The following WDR72 variants were observed in gnomAD, a reference collection of about 807,000 sequenced individuals.
WDR72 encodes WD repeat domain 72, also known as WD repeat-containing protein 72.
WDR72 carries 120 observed loss-of-function variants against 124.2 expected under a neutral mutation model. The ratio of observed to expected loss-of-function variants is 0.97; its 90% CI spans 0.83 to 1.12. The LOEUF (loss-of-function observed/expected upper bound fraction) is 1.12, where lower values mean the gene tolerates loss of function less well. WDR72 is among the 50% of genes most tolerant of loss of function. WDR72 has a pLI of 0.00. For synonymous variants in WDR72, 452 were observed against 441.7 expected, an observed-to-expected ratio of 1.02 and a Z score of -0.29; for missense variants, 1,387 against 1,278.8, an observed-to-expected ratio of 1.08 and a Z score of -1.29.
chr15:53,527,872 A>C lies in WDR72; in HGVS notation c.3149-4550T>G, dbSNP rs566504060. Among the ~76,000 whole-genome samples the C allele has an allele frequency of 5.4e-4, 82 of 152,180 alleles. 1 individual carries two copies. The South Asian group carries it at 0.016, about 30-fold the overall frequency. On this transcript the variant is annotated intron_variant, in intron 18 of 19. Transcript: ENST00000360509. ...TCAAAGATTTGAATTCAAAGTTACT[A>C]GCTCAATATGGTAGCCAAGAGTTGA...
chr15:53,609,738 T>C (rs62005936), intron 16 of WDR72, 146 bp from the exon 17 acceptor site: 114,298 of 712,836 alleles, frequency 0.16, 10,477 homozygotes, highest in East Asian at 0.34. Flanking sequence ...AGATTTTTAT[T>C]TTACAGATCC....
At chr15:53,624,601 T>C (rs2014133188) in intron 14 of WDR72, among the ~76,000 whole-genome samples, 1 of 152,244 alleles carries the variant, frequency 6.6e-6, no homozygotes, top group African/African-American at 2.4e-5. Flanking sequence ...TGTTCCTAAA[T>C]ATGGTCACCT....
chr15:53,585,798 G>A (rs560797569), intron 18 of WDR72, among the ~76,000 whole-genome samples: 4 of 151,932 alleles, frequency 2.6e-5, no homozygotes, highest in Non-Finnish European at 5.9e-5. Context: ...CTGCTCCAAC[G>A]CTGGGTCAGA....
At chr15:53,733,218 A>G (rs568424226) in intron 1 of WDR72, 57 bp from the exon 2 acceptor site, 1 of 1,581,704 alleles carries the variant, frequency 6.3e-7, no homozygotes, top group African/African-American at 1.3e-5. Flanking sequence ...ATTTGAGGAA[A>G]CCGATAATAT....
rs184018773 is a variant in WDR72, at chr15:53,701,877, T to C, written c.1569+257A>G. Among the ~76,000 whole-genome samples, 41 of 152,186 alleles carry C rather than the reference T, an allele frequency of 2.7e-4. 1 individual carries two copies. The highest frequency in any genetic ancestry group is 9.9e-4 in the African/African-American group (41 of 41,536). Reference sequence around the variant, plus strand: ...TAAGTACTTGAAGAGAATTAAGTGGTTGTTGTAAAGCTAAGCATTGACTAA... The same window carrying C: ...TAAGTACTTGAAGAGAATTAAGTGGCTGTTGTAAAGCTAAGCATTGACTAA... On this transcript the variant is annotated intron_variant, in intron 12 of 19. Coordinates refer to ENST00000360509, the MANE Select transcript of WDR72 (RefSeq NM_182758.4).
intron 18 of WDR72, among the ~76,000 whole-genome samples, chr15:53,549,102 T>C (rs984805139): frequency 3.3e-5 from 5 of 152,240 alleles, no homozygotes; most frequent in Admixed American, 1.3e-4. Flanking sequence ...TTTAGCATGT[T>C]ATTCTTTCAG....
At chr15:53,698,121 A>G (rs1377121748) in intron 13 of WDR72, among the ~76,000 whole-genome samples, 2 of 152,238 alleles carry the variant, frequency 1.3e-5, no homozygotes, top group Non-Finnish European at 2.9e-5. Flanking sequence ...AAATTAAAAT[A>G]CAGAATGGGA....
intron 17 of WDR72, among the ~76,000 whole-genome samples, chr15:53,603,994 T>C (rs1332912324): frequency 2.0e-5 from 3 of 152,146 alleles, no homozygotes; most frequent in African/African-American, 4.8e-5. Context: ...AAAATTCATA[T>C]GGAACCAAAA....
intron 14 of WDR72, among the ~76,000 whole-genome samples, chr15:53,635,884 A>G (rs2014604641): frequency 6.6e-6 from 1 of 152,152 alleles, no homozygotes; most frequent in South Asian, 2.1e-4. Context: ...TTAATAAGAC[A>G]TGCCATTACA....
At chr15:53,551,164 C>T (rs1028034087) in intron 18 of WDR72, among the ~76,000 whole-genome samples, 4 of 152,024 alleles carry the variant, frequency 2.6e-5, no homozygotes, top group Admixed American at 2.0e-4. Context: ...CAAGAAGGAG[C>T]TTGGCCTGGT....
intron 19 of WDR72, among the ~76,000 whole-genome samples, chr15:53,520,281 T>G (rs756149197): frequency 6.6e-6 from 1 of 152,090 alleles, no homozygotes; most frequent in Non-Finnish European, 1.5e-5. Context: ...AACTGAGCTA[T>G]TCATTAAAAT....
At chr15:53,660,552 G>C (rs1013663241) in intron 14 of WDR72, among the ~76,000 whole-genome samples, 5 of 152,012 alleles carry the variant, frequency 3.3e-5, no homozygotes, top group Admixed American at 6.6e-5. Context: ...AATGGTACCA[G>C]AGACACATCA....
At chr15:53,758,962 C>A (rs936714408) in intron 1 of WDR72, among the ~76,000 whole-genome samples, 1 of 152,072 alleles carries the variant, frequency 6.6e-6, no homozygotes, top group African/African-American at 2.4e-5. Flanking sequence ...TTTGTCAGCA[C>A]AGACAGTCCC....
At chr15:53,517,798 A>AAAGAGAAAAAAGAGAAAG in intron 19 of WDR72, 44 bp from the exon 20 acceptor site, 1 of 1,577,448 alleles carries the variant, frequency 6.3e-7, no homozygotes, top group Non-Finnish European at 8.7e-7. Context: ...TGAAATCTAA[A>AAAGAGAAAAAAGAGAAAG]AAGAGAAAAA....
rs57355125 is a variant in WDR72 at position 53,621,430 on chromosome 15, G to GATATATATATATATATATAT, written c.1963-5207_1963-5188dup. On this transcript the variant is annotated intron_variant, in intron 14 of 19. Coordinates refer to ENST00000360509, the MANE Select transcript of WDR72 (RefSeq NM_182758.4). ...ATCAATGAGTGGATAAAGAAACTGTGATATATATATATATATATATATATA... is the reference window on the plus strand; with the variant it reads ...ATCAATGAGTGGATAAAGAAACTGTGATATATATATATATATATATATATATATATATATATATATATATA... Among the ~76,000 whole-genome samples the GATATATATATATATATATAT allele has an allele frequency of 2.0e-3, 248 of 124,260 alleles. 3 individuals carry two copies. Among genetic ancestry groups the GATATATATATATATATATAT allele is most frequent in the African/African-American group, 8.5e-3 (233 of 27,532 alleles). 81.5% of individuals were successfully genotyped at this position (124,260 alleles called of 152,430 possible).
intron 14 of WDR72, among the ~76,000 whole-genome samples, chr15:53,662,882 A>C (rs1039890708): frequency 9.2e-5 from 14 of 151,944 alleles, no homozygotes; most frequent in Admixed American, 5.9e-4. Flanking sequence ...CTGGGCAACA[A>C]AATGAGATCT....
chr15:53,669,632 T>A (rs2015921556), intron 13 of WDR72, among the ~76,000 whole-genome samples: 2 of 152,204 alleles, frequency 1.3e-5, no homozygotes, highest in African/African-American at 4.8e-5. Flanking sequence ...ATGCAGAATG[T>A]TTCCTTAAAT....
chr15:53,758,380 TA>T (rs2018970240), intron 1 of WDR72, among the ~76,000 whole-genome samples: 1 of 152,144 alleles, frequency 6.6e-6, no homozygotes, highest in African/African-American at 2.4e-5. Flanking sequence ...GAACTCAATA[TA>T]AAATATTAAT....
intron 14 of WDR72, among the ~76,000 whole-genome samples, chr15:53,655,628 G>A (rs1037205309): frequency 2.6e-5 from 4 of 152,026 alleles, no homozygotes; most frequent in African/African-American, 9.7e-5. Flanking sequence ...AGAAGGCCAC[G>A]TTTTATATAA....
Sources: allele counts gnomAD v4.1 joint callset (sites outside exome capture counted in the v4.1 genomes callset), GRCh38; gene constraint gnomAD v4.1.1; transcripts MANE v1.5; gene names NCBI Gene and HGNC (gene_info 2026-07-23, HGNC 2026-07-21).